Variants in PTGFRN observed in about 807,000 individuals in gnomAD.
PTGFRN encodes the protein prostaglandin F2 receptor inhibitor.
In PTGFRN, 35 loss-of-function variants were observed where a neutral mutation model predicts 83.2. That is an observed-to-expected ratio of 0.42 (90% CI 0.32 to 0.56). PTGFRN has a LOEUF of 0.56. Ranked by LOEUF, PTGFRN falls within the 20% of genes least tolerant of loss-of-function variation. The probability of loss-of-function intolerance (pLI) is 0.11; values close to 1 mark genes in which losing one functional copy is unlikely to be tolerated. For synonymous variants in PTGFRN, 519 were observed against 498.6 expected, an observed-to-expected ratio of 1.04 and a Z score of -0.55; for missense variants, 1,051 against 1,179.5, an observed-to-expected ratio of 0.89 and a Z score of 1.60.
intron 1 of PTGFRN, among the ~76,000 whole-genome samples, chr1:116,930,022 C>G (rs953819072): frequency 6.6e-6 from 1 of 152,206 alleles, no homozygotes; most frequent in African/African-American, 2.4e-5. Flanking sequence ...ACCCACCTTC[C>G]TTGACTTTTC....
At chr1:116,981,170 T>A (rs1397632656) in intron 7 of PTGFRN, among the ~76,000 whole-genome samples, 1 of 152,180 alleles carries the variant, frequency 6.6e-6, no homozygotes, top group African/African-American at 2.4e-5. Flanking sequence ...TCTTTGACCC[T>A]TAAGACTTGA....
At chr1:116,967,666 A>G (rs1270873754) in intron 6 of PTGFRN, among the ~76,000 whole-genome samples, 3 of 152,198 alleles carry the variant, frequency 2.0e-5, no homozygotes, top group East Asian at 1.9e-4. Flanking sequence ...GACATTTCAC[A>G]TAAATGGAAT....
chr1:116,967,016 G>T lies in PTGFRN; in HGVS notation c.1745G>T (p.Arg582Leu). ...KVSSKNIKSP[R>L]YSVLIMAEKP... Reference sequence around the variant, plus strand: ...TCTTCCAAGAATATTAAGTCGCCACGCTACTCTGTTCTCATCATGGCTGAG... The same window carrying T: ...TCTTCCAAGAATATTAAGTCGCCACTCTACTCTGTTCTCATCATGGCTGAG... Residue 582 changes from arginine to leucine, a missense_variant, in exon 6 of 9, where the codon CGC becomes CTC. Transcript: ENST00000393203. 6.2e-7 allele frequency: 1 copy of T among 1,614,132 alleles called. No homozygotes were observed. Among genetic ancestry groups the T allele is most frequent in the Non-Finnish European group, 8.5e-7 (1 of 1,180,036 alleles).
chr1:116,931,611 T>TA (rs1649806273), intron 1 of PTGFRN, among the ~76,000 whole-genome samples: 2 of 152,026 alleles, frequency 1.3e-5, no homozygotes, highest in Admixed American at 1.3e-4. Context: ...CTGCTGTCTA[T>TA]AGCTTGTTTA....
At chr1:116,945,193 T>A in intron 3 of PTGFRN, 101 bp downstream of exon 3, 1 of 1,415,826 alleles carries the variant, frequency 7.1e-7, no homozygotes, top group Non-Finnish European at 9.4e-7. Context: ...TGACAAGAAC[T>A]GTTTCTGCTT....
intron 1 of PTGFRN, among the ~76,000 whole-genome samples, chr1:116,912,428 A>T (rs1255679112): frequency 6.6e-6 from 1 of 152,148 alleles, no homozygotes; most frequent in Non-Finnish European, 1.5e-5. Flanking sequence ...GATAAACAAG[A>T]TCATCTTTCC....
chr1:116,957,281 C>T (rs979691372), intron 4 of PTGFRN, among the ~76,000 whole-genome samples: 4 of 151,920 alleles, frequency 2.6e-5, no homozygotes, highest in African/African-American at 9.7e-5. Context: ...GCCCAGACCT[C>T]AGCTCAGGCC....
intron 1 of PTGFRN, among the ~76,000 whole-genome samples, chr1:116,914,937 G>A (rs536287259): frequency 6.6e-6 from 1 of 152,236 alleles, no homozygotes; most frequent in Admixed American, 6.5e-5. Flanking sequence ...CATATCAAGC[G>A]TCAGGCTCTG....
At chr1:116,965,605 G>A (rs1015622669) in intron 5 of PTGFRN, among the ~76,000 whole-genome samples, 2 of 148,272 alleles carry the variant, frequency 1.3e-5, no homozygotes, top group Admixed American at 1.4e-4. Flanking sequence ...TTAAAATGTT[G>A]CCTCCTCAGT....
chr1:116,910,279 C>T, intron 1 of PTGFRN, 27 bp downstream of exon 1: 3 of 1,392,828 alleles, frequency 2.2e-6, no homozygotes, highest in Non-Finnish European at 2.8e-6. Flanking sequence ...CTCAGCGGGG[C>T]ACACGGGGAC....
Position 116,910,057 on chromosome 1 carries a change from G to A in PTGFRN, c.-147G>A. 2.3e-6 allele frequency: 2 copies of A among 888,664 alleles called. No individual in the cohort carries two copies. The highest frequency in any genetic ancestry group is 2.0e-5 in the Admixed American group (1 of 49,170). The allele number at this position is 888,664 out of a possible 1,614,324, so 55.0% of individuals were successfully genotyped here. A position where few individuals can be genotyped will look rare whatever the true frequency, so the allele number is the denominator to read the frequency against. ...GGGCGCACGTACGCCCCAGCGCTGG[G>A]ATTTATCGGCTCGCGAGGAGAGCGG... is the stretch of plus-strand genomic sequence containing the variant. On this transcript the variant is annotated 5_prime_UTR_variant, in exon 1 of 9. Transcript: ENST00000393203.
intron 7 of PTGFRN, among the ~76,000 whole-genome samples, chr1:116,976,789 T>C (rs1570677843): frequency 1.3e-5 from 2 of 152,192 alleles, no homozygotes; most frequent in East Asian, 3.8e-4. Context: ...GTAAAGACCA[T>C]TGATGCTAGG....
intron 1 of PTGFRN, among the ~76,000 whole-genome samples, chr1:116,919,054 C>A (rs1446279048): frequency 6.6e-6 from 1 of 152,126 alleles, no homozygotes; most frequent in African/African-American, 2.4e-5. Context: ...AGAGAGGTAA[C>A]TTCTGAGTTC....
At chr1:116,978,861 A>G (rs553262938) in intron 7 of PTGFRN, among the ~76,000 whole-genome samples, 1 of 152,154 alleles carries the variant, frequency 6.6e-6, no homozygotes, top group Non-Finnish European at 1.5e-5. Flanking sequence ...TATTGTTGGA[A>G]GTTCTGGCCA....
rs1324912937 is a variant in PTGFRN at position 116,941,376 on chromosome 1, T to TA, written c.50-335dup. On this transcript the variant is annotated intron_variant, in intron 1 of 8. Coordinates refer to ENST00000393203, the MANE Select transcript of PTGFRN (RefSeq NM_020440.4). The surrounding 1 kb of genome is among the most constrained non-coding windows in gnomAD (Gnocchi z 5.0). ...GTGCCCTTTTATTTCACACAAAACCTAAAATATTTTTACATCACATGGAGT... is the reference window on the plus strand; with the variant it reads ...GTGCCCTTTTATTTCACACAAAACCTAAAAATATTTTTACATCACATGGAGT... Among the ~76,000 whole-genome samples, 1 of 152,250 alleles carries TA rather than the reference T, an allele frequency of 6.6e-6. No individual in the cohort carries two copies. The highest frequency in any genetic ancestry group is 1.9e-4 in the East Asian group (1 of 5,176).
In PTGFRN at chr1:116,941,973, A is replaced by C. The variant is rs1650075515; in HGVS notation, c.308A>C (p.Glu103Ala). 9 of 1,614,038 alleles carry C rather than the reference A, an allele frequency of 5.6e-6. No homozygotes were observed. Among genetic ancestry groups the C allele is most frequent in the African/African-American group, 1.3e-5 (1 of 74,910 alleles). The change falls in exon 2 of 9, where the codon GAG becomes GCG. Residue 103 changes from glutamate to alanine, a missense_variant. By Grantham distance (107) the Glu-to-Ala change is moderately radical (BLOSUM62 -1). This residue lies in a region of PTGFRN where 127 missense variants were observed against 168.4 expected (regional missense o/e 0.75). Coordinates refer to ENST00000393203, the MANE Select transcript of PTGFRN (RefSeq NM_020440.4). The surrounding 1 kb of genome is among the most constrained non-coding windows in gnomAD (Gnocchi z 5.0). ...AGGCGGACTGCCAACGACGCCGTGGAGCTCCACATAAAGAACGTCCAGCCT... is the reference window on the plus strand; with the variant it reads ...AGGCGGACTGCCAACGACGCCGTGGCGCTCCACATAAAGAACGTCCAGCCT... ...LLRRTANDAV[E>A]LHIKNVQPSD...
intron 1 of PTGFRN, among the ~76,000 whole-genome samples, chr1:116,919,097 A>G (rs187347892): frequency 2.2e-4 from 33 of 152,340 alleles, no homozygotes; most frequent in African/African-American, 7.7e-4. Context: ...AAGGGGAGAT[A>G]GGCTGGATGG....
In PTGFRN at chr1:116,945,106, G is replaced by A; in HGVS notation, c.832+14G>A. ...TCCAGCCATCAGGTGAGCTGGAAAC[G>A]ATGCGTTATAGGTGATGTTATTTTG... On this transcript the variant is annotated intron_variant, in intron 3 of 8. Transcript: ENST00000393203. 3.1e-6 allele frequency: 5 copies of A among 1,605,336 alleles called. No individual in the cohort carries two copies. The highest frequency in any genetic ancestry group is 1.1e-5 in the South Asian group (1 of 90,036).
Position 116,949,246 on chromosome 1 carries a change from A to AC in PTGFRN, c.889dup (p.Leu297ProfsTer4). ...TCTGTGGCTGAAGGAAAGGAACTGG[A>AC]CCTGACCTGTAACATCACAACAGAC... On this transcript the variant is annotated frameshift_variant, in exon 4 of 9. Transcript: ENST00000393203. LOFTEE classifies it high-confidence loss of function. 1 of 1,613,610 alleles carries AC rather than the reference A, an allele frequency of 6.2e-7. No homozygotes were observed. Among genetic ancestry groups the AC allele is most frequent in the African/African-American group, 1.3e-5 (1 of 75,054 alleles).
Sources: gnomAD v4.1 joint callset for allele counts (sites outside exome capture counted in the v4.1 genomes callset) on GRCh38, gnomAD v4.1.1 for gene constraint, gnomAD v4.1.1 regional missense constraint, Gnocchi (gnomAD v3.1) non-coding constraint, MANE v1.5 for transcripts, NCBI Gene and HGNC (gene_info 2026-07-23, HGNC 2026-07-21) for gene names.